The following PCDHGA10 variants were observed in gnomAD, a reference collection of about 807,000 sequenced individuals.
PCDHGA10 encodes protocadherin gamma-A10.
Under a neutral mutation model 59.5 loss-of-function variants are expected in PCDHGA10, and 42 were observed. The ratio of observed to expected loss-of-function variants is 0.71; its 90% CI spans 0.55 to 0.91. PCDHGA10 has a LOEUF of 0.91. Ranked by LOEUF, PCDHGA10 falls within the 40% of genes least tolerant of loss-of-function variation. PCDHGA10 has a pLI of 0.00. For synonymous variants in PCDHGA10, 511 were observed against 517.2 expected, an observed-to-expected ratio of 0.99 and a Z score of 0.16; for missense variants, 1,111 against 1,198.2, an observed-to-expected ratio of 0.93 and a Z score of 1.07.
Position 141,432,670 on chromosome 5 carries a change from G to A in PCDHGA10, c.2436+17059G>A, listed in dbSNP as rs749221752. ...CGCGAGCCCTGCTGGACAGAGACGC[G>A]CTCAAGCAGAGCCTCGTAGTGGCCG... On this transcript the variant is annotated intron_variant, in intron 1 of 3. Coordinates refer to ENST00000398610, the MANE Select transcript of PCDHGA10 (RefSeq NM_018913.3). The surrounding 1 kb of genome is among the most constrained non-coding windows in gnomAD (Gnocchi z 6.0). The A allele has an allele frequency of 6.8e-6, 11 of 1,613,748 alleles. No individual in the cohort carries two copies. The East Asian group carries it at 1.8e-4, about 26-fold the overall frequency.
At chr5:141,492,509 C>T (rs1276866000) in intron 1 of PCDHGA10, among the ~76,000 whole-genome samples, 1 of 152,216 alleles carries the variant, frequency 6.6e-6, no homozygotes, top group African/African-American at 2.4e-5. Context: ...CCGGAGCCTC[C>T]TCTCACCTCT....
At chr5:141,488,594 C>T (rs1398982317) in intron 1 of PCDHGA10, among the ~76,000 whole-genome samples, 3 of 152,164 alleles carry the variant, frequency 2.0e-5, no homozygotes, top group African/African-American at 7.2e-5. Context: ...CAGGGCAAGA[C>T]TTTACAAGGT....
In PCDHGA10 at chr5:141,477,380, G is replaced by C; in HGVS notation, c.2437-17427G>C. The C allele has an allele frequency of 6.2e-7, 1 of 1,614,116 alleles. No homozygotes were observed. The highest frequency in any genetic ancestry group is 8.5e-7 in the Non-Finnish European group (1 of 1,180,028). On this transcript the variant is annotated intron_variant, in intron 1 of 3. Transcript: ENST00000398610. The surrounding 1 kb of genome is among the most constrained non-coding windows in gnomAD (Gnocchi z 4.9). ...AGACCTGGATCGGGAGACTGTGCCA[G>C]AATACAACCTCAGCATCACCGCCCG...
chr5:141,423,086 T>TG, intron 1 of PCDHGA10: 1 of 1,613,912 alleles, frequency 6.2e-7, no homozygotes, highest in South Asian at 1.1e-5. Flanking sequence ...CTCTTCGCGG[T>TG]GGGGGAGCAC....
intron 1 of PCDHGA10, among the ~76,000 whole-genome samples, chr5:141,469,375 G>C (rs942714664): frequency 2.0e-5 from 3 of 152,076 alleles, no homozygotes; most frequent in African/African-American, 7.2e-5. Flanking sequence ...AAGAGATCGA[G>C]ACCATCCTGG....
At chr5:141,418,127 A>T in intron 1 of PCDHGA10, 1 of 1,614,104 alleles carries the variant, frequency 6.2e-7, no homozygotes, top group Non-Finnish European at 8.5e-7. Context: ...GAAGGACCGA[A>T]TAGACCGTGA....
chr5:141,450,985 C>T (rs533993975), intron 1 of PCDHGA10, among the ~76,000 whole-genome samples: 22 of 151,876 alleles, frequency 1.4e-4, no homozygotes, highest in African/African-American at 3.9e-4. Flanking sequence ...CCACCACACC[C>T]GGCTAATTTT....
At position 141,431,942 on chromosome 5, in the gene PCDHGA10, G is replaced by A. The variant is rs1284808063; in HGVS notation, c.2436+16331G>A. 6.2e-7 allele frequency: 1 copy of A among 1,614,116 alleles called. No homozygotes were observed. The highest frequency in any genetic ancestry group is 2.2e-5 in the East Asian group (1 of 44,884). ...CCAAGGAAATCTGCCCTTTAAATTA[G>A]AAAAATCTTACGGAAATTACTATAG... On this transcript the variant is annotated intron_variant, in intron 1 of 3. Transcript: ENST00000398610. The surrounding 1 kb of genome is among the most constrained non-coding windows in gnomAD (Gnocchi z 4.8).
chr5:141,489,425 G>A lies in PCDHGA10; in HGVS notation c.2437-5382G>A, dbSNP rs779739693. 18 of 1,614,000 alleles carry A rather than the reference G, an allele frequency of 1.1e-5. No homozygotes were observed. Among genetic ancestry groups the A allele is most frequent in the South Asian group, 5.5e-5 (5 of 91,074 alleles). The stretch of plus-strand genomic sequence containing the variant: ...TTAAAGATGACAGATCTGTTGAGCC[G>A]GCGGCTGCAATTGGGCTCTGAGGAG... On this transcript the variant is annotated intron_variant, in intron 1 of 3. Transcript: ENST00000398610. This position sits in a 1 kb window ranked among gnomAD's most constrained non-coding sequence, Gnocchi z 4.5.
intron 1 of PCDHGA10, among the ~76,000 whole-genome samples, chr5:141,470,729 G>T (rs1253040487): frequency 6.6e-6 from 1 of 152,102 alleles, no homozygotes; most frequent in Non-Finnish European, 1.5e-5. Context: ...TCAGGGTCTT[G>T]CTCTGTCGCC....
intron 1 of PCDHGA10, among the ~76,000 whole-genome samples, chr5:141,466,748 G>A (rs562859284): frequency 6.6e-6 from 1 of 152,238 alleles, no homozygotes; most frequent in South Asian, 2.1e-4. Context: ...TACTCTGATA[G>A]GGGCTCTTTT....
chr5:141,504,790 CT>C (rs1204741124), intron 2 of PCDHGA10, among the ~76,000 whole-genome samples: 15 of 152,080 alleles, frequency 9.9e-5, no homozygotes, highest in Admixed American at 3.9e-4. Context: ...TTGGGGCCTC[CT>C]ACATCTCCCC....
intron 1 of PCDHGA10, among the ~76,000 whole-genome samples, chr5:141,436,162 G>A (rs1036923915): frequency 2.6e-5 from 4 of 152,142 alleles, no homozygotes; most frequent in African/African-American, 7.2e-5. Flanking sequence ...TTTATCATAT[G>A]GACAGTTCTC....
At chr5:141,418,572 A>AC (rs752316020) in intron 1 of PCDHGA10, 2 of 1,613,794 alleles carry the variant, frequency 1.2e-6, no homozygotes, top group African/African-American at 1.3e-5. Context: ...GCCAATGACA[A>AC]CCCCCCAGTG....
At chr5:141,479,391 T>G (rs2099494461) in intron 1 of PCDHGA10, 1 of 152,266 alleles carries the variant, frequency 6.6e-6, no homozygotes, top group Non-Finnish European at 1.5e-5. Flanking sequence ...AGCCCAGGAG[T>G]TCTGGGCTGT....
chr5:141,418,946 G>T (rs2096305161), intron 1 of PCDHGA10: 1 of 1,613,900 alleles, frequency 6.2e-7, no homozygotes, highest in African/African-American at 1.3e-5. Context: ...TTCCCCTCCA[G>T]GAGTGGTTGT....
At chr5:141,429,240 TGA>T (rs998506084) in intron 1 of PCDHGA10, 1 of 151,858 alleles carries the variant, frequency 6.6e-6, no homozygotes, top group Non-Finnish European at 1.5e-5. Context: ...CTGCTGTCAT[TGA>T]GATATTTTAA....
rs1327610213 is a variant in PCDHGA10 at position 141,423,493 on chromosome 5, C to T, written c.2436+7882C>T. 5 of 1,613,984 alleles carry T rather than the reference C, an allele frequency of 3.1e-6. No homozygotes were observed. In the South Asian group the frequency reaches 5.5e-5, roughly 18 times the overall value. On this transcript the variant is annotated intron_variant, in intron 1 of 3. Coordinates refer to ENST00000398610, the MANE Select transcript of PCDHGA10 (RefSeq NM_018913.3). The stretch of plus-strand genomic sequence containing the variant: ...ACAGGCTTTCCTGCAAACCTATTCC[C>T]ACGAGGTCTCTCTCATTGCGGACTC...
intron 1 of PCDHGA10, chr5:141,421,637 A>T: frequency 6.2e-7 from 1 of 1,613,810 alleles, no homozygotes; most frequent in Non-Finnish European, 8.5e-7. Flanking sequence ...TTCCAGGAGG[A>T]CGAAGTGGAG....
Sources: allele counts gnomAD v4.1 joint callset (sites outside exome capture counted in the v4.1 genomes callset), GRCh38; gene constraint gnomAD v4.1.1; non-coding constraint Gnocchi (gnomAD v3.1); transcripts MANE v1.5; gene names NCBI Gene and HGNC (gene_info 2026-07-23, HGNC 2026-07-21).